ADGRL3: variants seen among roughly 807,000 people sequenced by gnomAD.
ADGRL3 encodes the protein adhesion G protein-coupled receptor L3.
Under a neutral mutation model 153.5 loss-of-function variants are expected in ADGRL3, and 62 were observed. That is an observed-to-expected ratio of 0.40 (90% CI 0.33 to 0.50). The LOEUF is 0.50. Among genes scored for constraint, ADGRL3 ranks in the 20% least tolerant of loss-of-function variants. The pLI, the probability that ADGRL3 is intolerant of heterozygous loss-of-function variation, is 0.47. For missense variants in ADGRL3, 1,641 were observed against 1,859.4 expected, an observed-to-expected ratio of 0.88 and a Z score of 2.16; for synonymous variants, 710 against 672.5, an observed-to-expected ratio of 1.06 and a Z score of -0.86.
chr4:61,778,500 G>A (rs867917326), intron 8 of ADGRL3, among the ~76,000 whole-genome samples: 3 of 152,106 alleles, frequency 2.0e-5, no homozygotes, highest in South Asian at 4.1e-4. Context: ...TCTAACCAGA[G>A]GTGAAACTTT....
chr4:61,340,883 C>T (rs561254166), intron 1 of ADGRL3, among the ~76,000 whole-genome samples: 10 of 151,122 alleles, frequency 6.6e-5, no homozygotes, highest in Admixed American at 2.6e-4. Flanking sequence ...CCAATATATA[C>T]CAATATGTTT....
intron 4 of ADGRL3, among the ~76,000 whole-genome samples, chr4:61,586,585 A>C (rs141352146): frequency 6.6e-6 from 1 of 152,050 alleles, no homozygotes; most frequent in Non-Finnish European, 1.5e-5. Flanking sequence ...GTTTCTGTGA[A>C]GAAAATTCTA....
At chr4:61,331,933 G>A (rs2095581112) in intron 1 of ADGRL3, among the ~76,000 whole-genome samples, 1 of 152,014 alleles carries the variant, frequency 6.6e-6, no homozygotes, top group African/African-American at 2.4e-5. Context: ...AGAGAAATGG[G>A]TATAGTCAGT....
At chr4:61,824,458 A>G (rs545857733) in intron 9 of ADGRL3, among the ~76,000 whole-genome samples, 1 of 152,288 alleles carries the variant, frequency 6.6e-6, no homozygotes, top group African/African-American at 2.4e-5. Context: ...AAAATATCCT[A>G]TTTTTTAATG....
At chr4:61,899,029 A>G (rs1386733156) in intron 11 of ADGRL3, among the ~76,000 whole-genome samples, 1 of 151,970 alleles carries the variant, frequency 6.6e-6, no homozygotes, top group African/African-American at 2.4e-5. Context: ...GCCTACTCCC[A>G]GGTAGCCTTC....
intron 6 of ADGRL3, among the ~76,000 whole-genome samples, chr4:61,697,387 C>T (rs2151239675): frequency 6.6e-6 from 1 of 151,912 alleles, no homozygotes; most frequent in South Asian, 2.1e-4. Flanking sequence ...ATGGTGAAAC[C>T]CTGTCTTTAC....
chr4:61,627,965 G>A (rs918518237), intron 5 of ADGRL3, among the ~76,000 whole-genome samples: 7 of 152,124 alleles, frequency 4.6e-5, no homozygotes, highest in African/African-American at 1.7e-4. Flanking sequence ...TAGGCAGGGA[G>A]CAAACCTCAA....
chr4:61,292,919 C>T (rs1297654949), intron 1 of ADGRL3, among the ~76,000 whole-genome samples: 1 of 152,136 alleles, frequency 6.6e-6, no homozygotes, highest in Non-Finnish European at 1.5e-5. Flanking sequence ...AGTATATCTT[C>T]TGAGCTGTAA....
rs2151811511 is a variant in ADGRL3, at chr4:61,731,970, G to T, written c.599-784G>T. On this transcript the variant is annotated intron_variant, in intron 7 of 26. Transcript: ENST00000683033. ...AAAATATTATAGCAAGTAATCTTGG[G>T]TTTTAATGCTCTTCTCATGTAACAG... Among the ~76,000 whole-genome samples, 2 of 152,234 alleles carry T rather than the reference G, an allele frequency of 1.3e-5. 1 individual carries two copies. The highest frequency in any genetic ancestry group is 4.1e-4 in the South Asian group (2 of 4,826).
intron 1 of ADGRL3, among the ~76,000 whole-genome samples, chr4:61,346,068 A>G (rs1467958376): frequency 1.3e-5 from 2 of 152,086 alleles, no homozygotes; most frequent in Non-Finnish European, 2.9e-5. Context: ...TAATAGCTGA[A>G]ATAGATATAA....
intron 9 of ADGRL3, among the ~76,000 whole-genome samples, chr4:61,839,528 A>G (rs1054568609): frequency 6.6e-6 from 1 of 152,078 alleles, no homozygotes; most frequent in Non-Finnish European, 1.5e-5. Flanking sequence ...AAAAAAAAGT[A>G]TACTTATGGT....
intron 3 of ADGRL3, among the ~76,000 whole-genome samples, chr4:61,505,803 G>T (rs1171876782): frequency 1.4e-5 from 2 of 143,562 alleles, no homozygotes; most frequent in East Asian, 4.1e-4. Context: ...GTGTCCTCTG[G>T]ACTCACATCA....
intron 1 of ADGRL3, among the ~76,000 whole-genome samples, chr4:61,281,859 G>C (rs950089050): frequency 6.6e-6 from 1 of 151,998 alleles, no homozygotes; most frequent in East Asian, 1.9e-4. Flanking sequence ...AGTTTTTAAA[G>C]TTTAGAAAGT....
At chr4:61,789,344 TAG>T (rs765535431) in intron 8 of ADGRL3, among the ~76,000 whole-genome samples, 65 of 152,048 alleles carry the variant, frequency 4.3e-4, no homozygotes, top group Non-Finnish European at 8.4e-4. Context: ...AAGAAACTCC[TAG>T]AGAGAAGAAA....
chr4:61,487,718 T>C (rs553501247), intron 2 of ADGRL3, among the ~76,000 whole-genome samples: 210 of 152,208 alleles, frequency 1.4e-3, no homozygotes, highest in African/African-American at 4.7e-3. Flanking sequence ...GCTATGTTCA[T>C]TTAGACTTGT....
intron 8 of ADGRL3, among the ~76,000 whole-genome samples, chr4:61,792,990 A>C (rs1264770158): frequency 2.0e-5 from 3 of 152,108 alleles, no homozygotes; most frequent in Non-Finnish European, 4.4e-5. Flanking sequence ...CAAAAAAAAA[A>C]AAAAAGTTGA....
chr4:61,767,405 A>G (rs1482483653), intron 8 of ADGRL3, among the ~76,000 whole-genome samples: 8 of 152,058 alleles, frequency 5.3e-5, no homozygotes, highest in African/African-American at 1.5e-4. Context: ...TTATGGAGGC[A>G]AGGGAAACAG....
rs1235473854 is a variant in ADGRL3 at position 61,876,739 on chromosome 4, AAT to A, written c.1481-15915_1481-15914del. On this transcript the variant is annotated intron_variant, in intron 9 of 26. Transcript: ENST00000683033. ...CTAAAACTTAAAGTATAATAAAAAA[AAT>A]AAAATAAAATAAAATAAAATGGGGA... Among the ~76,000 whole-genome samples the A allele has an allele frequency of 8.6e-5, 13 of 150,658 alleles. No homozygotes were observed. In the East Asian group the frequency reaches 2.6e-3, roughly 30 times the overall value.
intron 11 of ADGRL3, among the ~76,000 whole-genome samples, chr4:61,898,348 C>T (rs1286176875): frequency 6.6e-6 from 1 of 151,910 alleles, no homozygotes; most frequent in Non-Finnish European, 1.5e-5. Context: ...CATCTAGAGC[C>T]AAGAAGATTA....
Sources: allele counts gnomAD v4.1 joint callset (sites outside exome capture counted in the v4.1 genomes callset), GRCh38; gene constraint gnomAD v4.1.1; transcripts MANE v1.5; gene names NCBI Gene and HGNC (gene_info 2026-07-23, HGNC 2026-07-21).